Variants in DENND4A observed in about 807,000 individuals in gnomAD.
DENND4A encodes C-myc promoter-binding protein.
A neutral mutation model predicts 199.3 loss-of-function variants in DENND4A; 70 were observed. The ratio of observed to expected loss-of-function variants is 0.35; its 90% CI spans 0.29 to 0.43. The LOEUF (loss-of-function observed/expected upper bound fraction) is 0.43. Among genes scored for constraint, DENND4A ranks in the 20% least tolerant of loss-of-function variants. The pLI is 1.00. For missense variants in DENND4A, 1,723 were observed against 2,255.8 expected (o/e 0.76, Z 4.78); for synonymous variants, 686 against 766.9 (o/e 0.89, Z 1.74).
At chr15:65,680,815 T>C (rs760410555) in intron 23 of DENND4A, 2 of 152,216 alleles carry the variant, frequency 1.3e-5, no homozygotes, top group Non-Finnish European at 2.9e-5. Flanking sequence ...TGAAGTCTAC[T>C]GTACAACAGC....
intron 7 of DENND4A, among the ~76,000 whole-genome samples, chr15:65,737,341 G>C (rs2076146367): frequency 6.6e-6 from 1 of 152,010 alleles, no homozygotes; most frequent in Admixed American, 6.6e-5. Flanking sequence ...TTATGGGCGT[G>C]AACTATTGCA....
intron 14 of DENND4A, among the ~76,000 whole-genome samples, chr15:65,709,651 G>A (rs1289954910): frequency 2.4e-5 from 3 of 123,392 alleles, no homozygotes; most frequent in Non-Finnish European, 4.7e-5. Context: ...CCAAGATCAT[G>A]CCATTGCACT....
At chr15:65,738,049 G>C in intron 6 of DENND4A, 104 bp from the exon 7 acceptor site, 1 of 1,149,160 alleles carries the variant, frequency 8.7e-7, no homozygotes, top group African/African-American at 1.6e-5. Context: ...CCAGGTGAGA[G>C]GCCAGGTATT....
chr15:65,701,780 A>G lies in DENND4A; in HGVS notation c.2541T>C (p.Thr847=), dbSNP rs754285144. The G allele has an allele frequency of 5.6e-6, 9 of 1,613,716 alleles. No homozygotes were observed. The East Asian group carries it at 1.8e-4, about 32-fold the overall frequency. The part of the protein sequence containing the change: ...QKAGIDPNAI[T]YGYYNKAVLE... ...TATTTACCTTATTATAATAACCATA[A>G]GTAATGGCATTGGGGTCAATACCAG... is the stretch of plus-strand genomic sequence containing the variant. The change falls in exon 18 of 33, where the codon ACT becomes ACC. Residue 847 remains threonine (T), a synonymous_variant. Transcript: ENST00000443035.
chr15:65,760,752 G>C (rs908517333), intron 2 of DENND4A, among the ~76,000 whole-genome samples: 3 of 151,966 alleles, frequency 2.0e-5, no homozygotes, highest in Admixed American at 6.6e-5. Flanking sequence ...AGCCAGGCAT[G>C]ATGGTGCATG....
Position 65,660,260 on chromosome 15 carries a change from TCTCTCCATTATTTCCCAGAGTTG to T in DENND4A, c.*1568_*1590del. The T allele has an allele frequency of 6.5e-7, 1 of 1,531,888 alleles. No individual in the cohort carries two copies. The highest frequency in any genetic ancestry group is 1.2e-5 in the South Asian group (1 of 83,964). 94.9% of individuals were successfully genotyped at this position (1,531,888 alleles called of 1,614,324 possible). A position where few individuals can be genotyped will look rare whatever the true frequency, so the allele number is the denominator to read the frequency against. On this transcript the variant is annotated 3_prime_UTR_variant, in exon 33 of 33. Transcript: ENST00000443035. ...TAACTGAAGTTTTACATTTTTAAAC[TCTCTCCATTATTTCCCAGAGTTG>T]GAAGCTGTGAAATGTTTCAGCATGG...
intron 2 of DENND4A, among the ~76,000 whole-genome samples, chr15:65,757,497 T>C (rs1333052273): frequency 2.0e-5 from 3 of 152,098 alleles, no homozygotes; most frequent in Middle Eastern, 3.2e-3. Context: ...AGGACTATAC[T>C]CCCAGCCAAA....
At chr15:65,701,975 A>C in intron 17 of DENND4A, 85 bp from the exon 18 acceptor site, 1 of 1,571,166 alleles carries the variant, frequency 6.4e-7, no homozygotes, top group Non-Finnish European at 8.7e-7. Context: ...TTTAAACAAT[A>C]ATTGTGGCAG....
At position 65,692,216 on chromosome 15, in the gene DENND4A, C is replaced by G. The variant is rs188315966; in HGVS notation, c.3083-705G>C. Among the ~76,000 whole-genome samples, 84 of 152,132 alleles carry G rather than the reference C, an allele frequency of 5.5e-4. 2 individuals are homozygous for G. Among genetic ancestry groups the G allele is most frequent in the Admixed American group, 4.8e-3 (73 of 15,280 alleles). The stretch of plus-strand genomic sequence containing the variant: ...AAATAAAGGTTATTTTTTAAAACTC[C>G]AAGTCCTTATAACTATAAATGGGGC... On this transcript the variant is annotated intron_variant, in intron 22 of 32. Transcript: ENST00000443035.
chr15:65,732,738 C>CA lies in DENND4A; in HGVS notation c.1107+13dup, dbSNP rs139068880. 7.7e-6 allele frequency: 12 copies of CA among 1,555,888 alleles called. No individual in the cohort carries two copies. In the African/African-American group the frequency reaches 8.2e-5, roughly 11 times the overall value. On this transcript the variant is annotated intron_variant, in intron 8 of 32. Coordinates refer to ENST00000443035, the MANE Select transcript of DENND4A (RefSeq NM_001320835.1). The stretch of plus-strand genomic sequence containing the variant: ...AACTCATAGGTCCCCCAATCAAAAA[C>CA]AAAAAAACCTTACCTGAACTAAAAT...
Position 65,685,879 on chromosome 15 carries a change from T to C in DENND4A, c.4179+4536A>G, listed in dbSNP as rs147297925. Among the ~76,000 whole-genome samples, 210 of 152,212 alleles carry C rather than the reference T, an allele frequency of 1.4e-3. 2 individuals carry two copies. The East Asian group carries it at 0.015, about 11-fold the overall frequency. ...TTTCTGGAGTCTAAATTTTATTCTCTCATCTATTCATCTCTGTTTATGCTA... is the reference window on the plus strand; with the variant it reads ...TTTCTGGAGTCTAAATTTTATTCTCCCATCTATTCATCTCTGTTTATGCTA... On this transcript the variant is annotated intron_variant, in intron 23 of 32. Coordinates refer to ENST00000443035, the MANE Select transcript of DENND4A (RefSeq NM_001320835.1).
intron 1 of DENND4A, among the ~76,000 whole-genome samples, chr15:65,780,199 G>C (rs1332264973): frequency 1.3e-5 from 2 of 152,154 alleles, no homozygotes; most frequent in Non-Finnish European, 2.9e-5. Context: ...ACCCCGCTAG[G>C]CCCATTCTGT....
intron 1 of DENND4A, among the ~76,000 whole-genome samples, chr15:65,772,493 C>T (rs957685562): frequency 2.0e-5 from 3 of 151,780 alleles, no homozygotes; most frequent in Admixed American, 6.6e-5. Context: ...CAGACCATGA[C>T]GTCAGGAGTT....
At chr15:65,692,884 G>C (rs2077019932) in intron 22 of DENND4A, among the ~76,000 whole-genome samples, 1 of 152,108 alleles carries the variant, frequency 6.6e-6, no homozygotes, top group African/African-American at 2.4e-5. Flanking sequence ...GACCAAGTTG[G>C]TTATCAGACT....
intron 12 of DENND4A, among the ~76,000 whole-genome samples, chr15:65,718,282 G>A (rs1596513183): frequency 6.6e-6 from 1 of 152,078 alleles, no homozygotes; most frequent in Non-Finnish European, 1.5e-5. Context: ...CCTAGACCAA[G>A]GCAGGAGGAT....
In DENND4A at chr15:65,792,209, C is replaced by T. The variant is rs1276658629; in HGVS notation, c.-301G>A. ...TGCCGTCTCAGTCAGACGGGACTCCCCCTCCCCTCGCGGCCGCCACTGCCT... is the reference window on the plus strand; with the variant it reads ...TGCCGTCTCAGTCAGACGGGACTCCTCCTCCCCTCGCGGCCGCCACTGCCT... On this transcript the variant is annotated 5_prime_UTR_variant, in exon 1 of 33. Transcript: ENST00000443035. 1 of 152,558 alleles carries T rather than the reference C, an allele frequency of 6.6e-6. No homozygotes were observed. The allele number at this position is 152,558 out of a possible 1,614,324, so 9.5% of individuals were successfully genotyped here.
At chr15:65,692,110 T>C (rs1282539168) in intron 22 of DENND4A, among the ~76,000 whole-genome samples, 1 of 151,946 alleles carries the variant, frequency 6.6e-6, no homozygotes, top group Non-Finnish European at 1.5e-5. Flanking sequence ...GCCAAAATTG[T>C]GAATCTTCTG....
At chr15:65,662,714 T>A (rs2075890994) in intron 32 of DENND4A, among the ~76,000 whole-genome samples, 1 of 152,194 alleles carries the variant, frequency 6.6e-6, no homozygotes, top group South Asian at 2.1e-4. Context: ...GAGAGCCAAA[T>A]GGGGTATGAA....
At chr15:65,776,655 A>G (rs530661020) in intron 1 of DENND4A, among the ~76,000 whole-genome samples, 7 of 152,356 alleles carry the variant, frequency 4.6e-5, no homozygotes, top group East Asian at 1.9e-4. Context: ...CTTTGGCTTC[A>G]TCGGCCACAG....
Sources: gnomAD v4.1 joint callset for allele counts (sites outside exome capture counted in the v4.1 genomes callset) on GRCh38, gnomAD v4.1.1 for gene constraint, MANE v1.5 for transcripts, NCBI Gene and HGNC (gene_info 2026-07-23, HGNC 2026-07-21) for gene names.